EDARADD: variants seen among roughly 807,000 people sequenced by gnomAD.
The protein encoded by EDARADD is EDAR associated via death domain.
In EDARADD, 20 loss-of-function variants were observed where a neutral mutation model predicts 25.6. That is an observed-to-expected ratio of 0.78 (90% CI 0.55 to 1.14). EDARADD has a LOEUF of 1.14. Ranked by LOEUF, EDARADD falls within the 50% of genes most tolerant of loss-of-function variation. The pLI, the probability that EDARADD is intolerant of heterozygous loss-of-function variation, is 0.00. For missense variants in EDARADD, 225 were observed against 270.1 expected (o/e 0.83, Z 1.17); for synonymous variants, 86 against 94.4 (o/e 0.91, Z 0.52).
At chr1:236,363,880 T>C (rs1667082509) in intron 3 of EDARADD, among the ~76,000 whole-genome samples, 1 of 151,846 alleles carries the variant, frequency 6.6e-6, no homozygotes, top group Admixed American at 6.6e-5. Context: ...AATTACCCAG[T>C]CTTGGCCAGG....
At chr1:236,475,355 A>G (rs1659472651) in intron 5 of EDARADD, among the ~76,000 whole-genome samples, 1 of 152,220 alleles carries the variant, frequency 6.6e-6, no homozygotes, top group Non-Finnish European at 1.5e-5. Context: ...GCTCTGTGTT[A>G]AGTCCTCCAG....
At chr1:236,350,332 T>G (rs1274904454) in intron 2 of EDARADD, among the ~76,000 whole-genome samples, 1 of 152,192 alleles carries the variant, frequency 6.6e-6, no homozygotes, top group African/African-American at 2.4e-5. Flanking sequence ...TGAGAATTTA[T>G]GGTTTGTAGG....
upstream of EDARADD, chr1:236,394,269 C>T: frequency 1.5e-6 from 1 of 651,178 alleles, no homozygotes; most frequent in East Asian, 2.8e-5. Flanking sequence ...AAAAAATTTC[C>T]CTTCCTATCC....
chr1:236,367,533 T>G (rs1667126391), intron 3 of EDARADD, among the ~76,000 whole-genome samples: 1 of 152,090 alleles, frequency 6.6e-6, no homozygotes, highest in Admixed American at 6.6e-5. Flanking sequence ...CCAGCCCATT[T>G]TATTTCATTT....
chr1:236,466,943 T>C (rs190534952), intron 4 of EDARADD, among the ~76,000 whole-genome samples: 5 of 152,160 alleles, frequency 3.3e-5, no homozygotes, highest in Non-Finnish European at 7.4e-5. Context: ...GGCGGGTGGC[T>C]GTAGTCCCAG....
In EDARADD at chr1:236,427,392, C is replaced by T. The variant is rs761543653; in HGVS notation, c.161C>T (p.Ala54Val). 4.4e-6 allele frequency: 7 copies of T among 1,606,320 alleles called. No homozygotes were observed. In the East Asian group the frequency reaches 8.9e-5, roughly 21 times the overall value. ...CTTTCTTTCTTTTTTTTTTTCCTAG[C>T]TGAAGAATGTGATACAATTACTTTG... Reference protein sequence around the residue: ...YPIQDTELPKAEECDTITLNC... With the variant: ...YPIQDTELPKVEECDTITLNC... Residue 54 changes from alanine to valine, a missense_variant and splice_region_variant, in exon 4 of 6, where the codon GCT becomes GTT. Physicochemically the swap from Ala to Val is moderately conservative, Grantham distance 64. Coordinates refer to ENST00000334232, the MANE Select transcript of EDARADD (RefSeq NM_145861.4).
intron 3 of EDARADD, among the ~76,000 whole-genome samples, chr1:236,363,006 A>AAAAATATAT (rs1377112051): frequency 7.5e-4 from 32 of 42,940 alleles, no homozygotes; most frequent in African/African-American, 3.5e-3. Context: ...AAAAAAAAAA[A>AAAAATATAT]ATATATATAT....
chr1:236,450,101 C>CAAAA (rs10707989), intron 4 of EDARADD, among the ~76,000 whole-genome samples: 1 of 140,968 alleles, frequency 7.1e-6, no homozygotes, highest in Non-Finnish European at 1.5e-5. Context: ...ACTCTGTCTC[C>CAAAA]AAAAAAAAAA....
intron 1 of EDARADD, among the ~76,000 whole-genome samples, chr1:236,397,488 T>C (rs1019538278): frequency 6.6e-6 from 1 of 152,146 alleles, no homozygotes; most frequent in Non-Finnish European, 1.5e-5. Flanking sequence ...CCAAAATGGA[T>C]GTGCACAACC....
intron 1 of EDARADD, among the ~76,000 whole-genome samples, chr1:236,400,720 A>T (rs150277669): frequency 1.2e-4 from 14 of 121,144 alleles, no homozygotes; most frequent in Non-Finnish European, 1.3e-4. Context: ...ACACCCGGCT[A>T]TTTTTTTTTT....
chr1:236,367,882 G>A (rs1667129407), intron 3 of EDARADD, among the ~76,000 whole-genome samples: 1 of 152,172 alleles, frequency 6.6e-6, no homozygotes, highest in Non-Finnish European at 1.5e-5. Context: ...GCAGATGCTG[G>A]AGGATCACTT....
intron 2 of EDARADD, among the ~76,000 whole-genome samples, chr1:236,413,471 G>A (rs1234609860): frequency 2.0e-5 from 3 of 152,144 alleles, no homozygotes; most frequent in Admixed American, 6.5e-5. Context: ...AATTGTTCAG[G>A]TGTAATTTTG....
chr1:236,379,892 A>G (rs1469261825), intron 3 of EDARADD, among the ~76,000 whole-genome samples: 1 of 152,234 alleles, frequency 6.6e-6, no homozygotes, highest in Non-Finnish European at 1.5e-5. Context: ...TCCAAATACA[A>G]TTGAGCTAAA....
rs535740043 is a variant in EDARADD, at chr1:236,409,728, A to ATTT, written c.120+467_120+469dup. On this transcript the variant is annotated intron_variant, in intron 2 of 5. Transcript: ENST00000334232. ...AGGCATGTGCCACCATGCCTGGCTAATTTTTTTTTTTTTTTGGTAGAGTGG... is the reference window on the plus strand; with the variant it reads ...AGGCATGTGCCACCATGCCTGGCTAATTTTTTTTTTTTTTTTTTGGTAGAGTGG... Among the ~76,000 whole-genome samples, 1,386 of 141,360 alleles carry ATTT rather than the reference A, an allele frequency of 9.8e-3. 23 individuals carry two copies. The highest frequency in any genetic ancestry group is 0.035 in the African/African-American group (1,329 of 38,514). The allele number at this position is 141,360 out of a possible 152,430, so 92.7% of individuals were successfully genotyped here.
In EDARADD at chr1:236,433,910, AC is replaced by A. The variant is rs1366294530; in HGVS notation, c.219+6463del. 2.6e-5 allele frequency among the ~76,000 whole-genome samples: 4 copies of A among 151,974 alleles called. No homozygotes were observed. The East Asian group carries it at 7.7e-4, about 29-fold the overall frequency. ...ACAAACAAAAAAAACAAAAAAAAAAACCCTGCAAATAATTTGATATTGTTCT... is the reference window on the plus strand; with the variant it reads ...ACAAACAAAAAAAACAAAAAAAAAAACCTGCAAATAATTTGATATTGTTCT... On this transcript the variant is annotated intron_variant, in intron 4 of 5. Transcript: ENST00000334232.
At chr1:236,459,333 A>G (rs751095854) in intron 4 of EDARADD, among the ~76,000 whole-genome samples, 1 of 152,102 alleles carries the variant, frequency 6.6e-6, no homozygotes, top group African/African-American at 2.4e-5. Flanking sequence ...TAAACTCTAC[A>G]TCCTACACAA....
At position 236,483,404 on chromosome 1, in the gene EDARADD, G is replaced by A. The variant is rs1340350216; in HGVS notation, c.*755G>A. ...CTATTGCACCTGTCCTGGTTAGCAA[G>A]AAACTGAACGTCACAGAACAAGAGA... On this transcript the variant is annotated 3_prime_UTR_variant, in exon 6 of 6. Transcript: ENST00000334232. 2.5e-6 allele frequency: 3 copies of A among 1,218,302 alleles called. No homozygotes were observed. The highest frequency in any genetic ancestry group is 1.2e-5 in the South Asian group (1 of 83,198). 75.5% of individuals were successfully genotyped at this position (1,218,302 alleles called of 1,614,324 possible). A position where few individuals can be genotyped will look rare whatever the true frequency, so the allele number is the denominator to read the frequency against.
intron 3 of EDARADD, among the ~76,000 whole-genome samples, chr1:236,418,356 C>T (rs1429864987): frequency 6.6e-6 from 1 of 151,654 alleles, no homozygotes; most frequent in Non-Finnish European, 1.5e-5. Flanking sequence ...GCAATTCTCT[C>T]ACTTCAGCCT....
intron 4 of EDARADD, among the ~76,000 whole-genome samples, chr1:236,445,235 T>TTTTTTTTTTTTTGTTG (rs66502031): frequency 1.5e-5 from 1 of 67,350 alleles, no homozygotes; most frequent in African/African-American, 5.5e-5. Flanking sequence ...TAATAAATTC[T>TTTTTTTTTTTTTGTTG]TTTTTTTTTT....
Sources: allele counts gnomAD v4.1 joint callset (sites outside exome capture counted in the v4.1 genomes callset), GRCh38; gene constraint gnomAD v4.1.1; transcripts MANE v1.5; gene names NCBI Gene and HGNC (gene_info 2026-07-23, HGNC 2026-07-21).